The following PIGX variants were observed in gnomAD, a reference collection of about 807,000 sequenced individuals.
PIGX encodes the protein GPI alpha-1,4-mannosyltransferase I, stabilizing subunit.
A neutral mutation model predicts 28.7 loss-of-function variants in PIGX; 24 were observed. The observed-to-expected ratio is 0.84, with a 90% CI of 0.60 to 1.17. The LOEUF is 1.17. Ranked by LOEUF, PIGX falls within the 50% of genes most tolerant of loss-of-function variation. The pLI, the probability that PIGX is intolerant of heterozygous loss-of-function variation, is 0.00. For synonymous variants in PIGX, 127 were observed against 121.0 expected, an observed-to-expected ratio of 1.05 and a Z score of -0.33; for missense variants, 305 against 317.8, an observed-to-expected ratio of 0.96 and a Z score of 0.31.
At chr3:196,731,129 G>T in intron 5 of PIGX, 37 bp downstream of exon 5, 1 of 1,167,168 alleles carries the variant, frequency 8.6e-7, no homozygotes, top group Non-Finnish European at 1.3e-6. Flanking sequence ...TAGATCATGT[G>T]CCTCATTTAA....
At chr3:196,718,960 G>A (rs982864506) in intron 2 of PIGX, among the ~76,000 whole-genome samples, 5 of 152,054 alleles carry the variant, frequency 3.3e-5, no homozygotes, top group African/African-American at 1.2e-4. Context: ...TTGTCCCGAA[G>A]TCACCTTATT....
chr3:196,730,991 G>C lies in PIGX; in HGVS notation c.533-1G>C. ...ACATCATTTTCTACCACTTTTCTCA[G>C]AGTTCCCGATTTTGAAATGCTGGGC... is the stretch of plus-strand genomic sequence containing the variant. On this transcript the variant is annotated splice_acceptor_variant, in intron 4 of 5. Coordinates refer to ENST00000392391, the MANE Select transcript of PIGX (RefSeq NM_017861.4). LOFTEE classifies it high-confidence loss of function. The C allele has an allele frequency of 1.9e-6, 3 of 1,599,392 alleles. No individual in the cohort carries two copies. Among genetic ancestry groups the C allele is most frequent in the Non-Finnish European group, 2.6e-6 (3 of 1,167,550 alleles).
chr3:196,712,817 C>T (rs2108670618), intron 1 of PIGX, 173 bp downstream of exon 1: 2 of 1,103,244 alleles, frequency 1.8e-6, no homozygotes, highest in Non-Finnish European at 2.2e-6. Context: ...GCGCTTTGCT[C>T]TGCGGCGGAT....
At position 196,734,688 on chromosome 3, in the gene PIGX, T is replaced by C. The variant is rs895843993; in HGVS notation, c.*786T>C. On this transcript the variant is annotated 3_prime_UTR_variant, in exon 6 of 6. Transcript: ENST00000392391. ...ATGAAAATCATTAAAGTAGGACAGC[T>C]AAGAAATTAATATTAATATCAAAAT... 1 of 152,254 alleles carries C rather than the reference T, an allele frequency of 6.6e-6. No homozygotes were observed. Among genetic ancestry groups the C allele is most frequent in the African/African-American group, 2.4e-5 (1 of 41,466 alleles). The allele number at this position is 152,254 out of a possible 1,614,324, so 9.4% of individuals were successfully genotyped here.
intron 5 of PIGX, among the ~76,000 whole-genome samples, chr3:196,731,667 T>G (rs56342540): frequency 0.38 from 57,541 of 151,866 alleles, 11,008 homozygotes; most frequent in East Asian, 0.55. Context: ...TGAAAATTTT[T>G]CTCAAACTCT....
chr3:196,731,158 C>G, intron 5 of PIGX, 66 bp downstream of exon 5: 2 of 880,966 alleles, frequency 2.3e-6, no homozygotes, highest in Non-Finnish European at 3.6e-6. Context: ...CTGTAATGTT[C>G]CTGCCACATT....
intron 2 of PIGX, chr3:196,721,161 C>T: frequency 2.7e-6 from 1 of 374,608 alleles, no homozygotes; most frequent in Admixed American, 3.9e-5. Context: ...CTGTTACATT[C>T]TCTTCTCTTT....
At chr3:196,730,771 AGAAGT>A (rs951936684) in intron 4 of PIGX, among the ~76,000 whole-genome samples, 6 of 150,548 alleles carry the variant, frequency 4.0e-5, no homozygotes, top group Admixed American at 3.3e-4. Context: ...AAAAAAAAAA[AGAAGT>A]CATGTTCAAC....
intron 5 of PIGX, among the ~76,000 whole-genome samples, chr3:196,731,802 C>T (rs1460676477): frequency 1.3e-5 from 2 of 151,992 alleles, no homozygotes; most frequent in African/African-American, 4.8e-5. Flanking sequence ...CCTTTTAAAA[C>T]ATTTTGAATT....
chr3:196,713,054 C>T (rs908709277), intron 1 of PIGX: 1 of 986,166 alleles, frequency 1.0e-6, no homozygotes, highest in Non-Finnish European at 1.2e-6. Flanking sequence ...GCTAGTTGTT[C>T]GTGCAAGTAG....
At chr3:196,712,867 C>T (rs1468822613) in intron 1 of PIGX, 13 of 1,084,624 alleles carry the variant, frequency 1.2e-5, no homozygotes, top group African/African-American at 3.3e-5. Context: ...CCCTGCGGTT[C>T]CCAGGCTGGA....
intron 1 of PIGX, chr3:196,712,991 G>T (rs191249806): frequency 1.0e-4 from 103 of 993,982 alleles, no homozygotes; most frequent in Admixed American, 1.0e-3. Context: ...AGGCCTTAGC[G>T]CCCTGTGAGG....
At chr3:196,722,289 C>T (rs556190591) in intron 2 of PIGX, 126 bp from the exon 3 acceptor site, 2 of 650,200 alleles carry the variant, frequency 3.1e-6, no homozygotes. Flanking sequence ...TTTCATTTGA[C>T]CTTATAATCT....
At chr3:196,713,836 CAA>C (rs200901752) in intron 1 of PIGX, among the ~76,000 whole-genome samples, 3,111 of 105,664 alleles carry the variant, frequency 0.029, 78 homozygotes, top group Admixed American at 0.11. Flanking sequence ...GACTCTGTCT[CAA>C]AAAAAAAAAA....
intron 2 of PIGX, among the ~76,000 whole-genome samples, chr3:196,719,742 C>T (rs555623531): frequency 1.1e-4 from 17 of 152,094 alleles, no homozygotes; most frequent in Non-Finnish European, 2.1e-4. Context: ...TCACTTTTCA[C>T]ATTATTTATT....
chr3:196,725,242 G>A (rs1206391179), intron 3 of PIGX, among the ~76,000 whole-genome samples: 2 of 152,180 alleles, frequency 1.3e-5, no homozygotes, highest in Non-Finnish European at 2.9e-5. Context: ...CTCAAAGTAT[G>A]TAGTATTAAG....
chr3:196,729,332 CA>C (rs111948563), intron 4 of PIGX, among the ~76,000 whole-genome samples: 104,343 of 148,778 alleles, frequency 0.7, 36,446 homozygotes, highest in Admixed American at 0.75. Context: ...GACTGCGTCT[CA>C]AAAAAAAAAT....
chr3:196,729,977 C>T (rs995052710), intron 4 of PIGX, among the ~76,000 whole-genome samples: 61 of 150,292 alleles, frequency 4.1e-4, no homozygotes, highest in Middle Eastern at 3.4e-3. Context: ...GGCTGAGGCA[C>T]GGGAATCACT....
Position 196,712,377 on chromosome 3 carries a change from A to T in PIGX, c.-156A>T, listed in dbSNP as rs928764185. On this transcript the variant is annotated 5_prime_UTR_variant, in exon 1 of 6. Transcript: ENST00000392391. Reference sequence around the variant, plus strand: ...ACCCTTGGGGGCCGGGGCTGCAGGCAGCTGGGAACCGCGGGCGCTAGGCGC... The same window carrying T: ...ACCCTTGGGGGCCGGGGCTGCAGGCTGCTGGGAACCGCGGGCGCTAGGCGC... 3.3e-6 allele frequency: 1 copy of T among 304,884 alleles called. No individual in the cohort carries two copies. The highest frequency in any genetic ancestry group is 5.7e-6 in the Non-Finnish European group (1 of 174,332). 18.9% of individuals were successfully genotyped at this position (304,884 alleles called of 1,614,324 possible). A position where few individuals can be genotyped will look rare whatever the true frequency, so the allele number is the denominator to read the frequency against.
Sources: allele counts gnomAD v4.1 joint callset (sites outside exome capture counted in the v4.1 genomes callset), GRCh38; gene constraint gnomAD v4.1.1; transcripts MANE v1.5; gene names NCBI Gene and HGNC (gene_info 2026-07-23, HGNC 2026-07-21).